The following PDE1A variants were observed in gnomAD, a reference collection of about 807,000 sequenced individuals.
The protein encoded by PDE1A is phosphodiesterase 1A.
A neutral mutation model predicts 61.7 loss-of-function variants in PDE1A; 35 were observed. The ratio of observed to expected loss-of-function variants is 0.57; its 90% CI spans 0.43 to 0.75. The LOEUF (loss-of-function observed/expected upper bound fraction) is 0.75. Among genes scored for constraint, PDE1A ranks in the 30% least tolerant of loss-of-function variants. The pLI is 0.00. For missense variants in PDE1A, 597 were observed against 630.6 expected, an observed-to-expected ratio of 0.95 and a Z score of 0.57; for synonymous variants, 232 against 213.2, an observed-to-expected ratio of 1.09 and a Z score of -0.77.
intron 2 of PDE1A, among the ~76,000 whole-genome samples, chr2:182,486,312 AG>A (rs1210238370): frequency 6.6e-6 from 1 of 152,098 alleles, no homozygotes; most frequent in Non-Finnish European, 1.5e-5. Context: ...AGAATATAAA[AG>A]TAGATGGACA....
intron 1 of PDE1A, among the ~76,000 whole-genome samples, chr2:182,339,347 C>T (rs954336055): frequency 2.0e-5 from 3 of 152,080 alleles, no homozygotes; most frequent in Non-Finnish European, 4.4e-5. Flanking sequence ...ACTAGATGCT[C>T]TTATCCATGA....
chr2:182,701,079 G>A, the PDE1A span, among the ~76,000 whole-genome samples: 103,899 of 151,774 alleles, frequency 0.68, 36,191 homozygotes, highest in African/African-American at 0.8. Context: ...CTGTTGCCCA[G>A]GCTGGAGTGC....
intron 2 of PDE1A, among the ~76,000 whole-genome samples, chr2:182,482,066 G>T (rs903500487): frequency 1.3e-5 from 2 of 151,864 alleles, no homozygotes; most frequent in Non-Finnish European, 1.5e-5. Context: ...ACAAGAAAGT[G>T]AAATTTACAC....
chr2:182,632,582 C>CCTT, the PDE1A span, among the ~76,000 whole-genome samples: 1,120 of 152,152 alleles, frequency 7.4e-3, 7 homozygotes, highest in South Asian at 0.022. Context: ...AAAAATCATA[C>CCTT]CTTCTTTCCT....
intron 1 of PDE1A, among the ~76,000 whole-genome samples, chr2:182,282,153 G>A (rs1012708267): frequency 6.6e-6 from 1 of 151,866 alleles, no homozygotes; most frequent in African/African-American, 2.4e-5. Flanking sequence ...AGATATTTAA[G>A]CATAATCCTA....
At position 182,399,409 on chromosome 2, in the gene PDE1A, C is replaced by T. The variant is rs140242206; in HGVS notation, c.53+27169G>A. ...TCCTGCCCCCTCTGCTTCTAATCCC[C>T]GGAAACTCCTGATATGCTCTCAATT... On this transcript the variant is annotated intron_variant, in intron 1 of 13. Coordinates refer to ENST00000351439, the Ensembl canonical transcript of PDE1A. Among the ~76,000 whole-genome samples the T allele has an allele frequency of 2.0e-4, 30 of 151,994 alleles. No individual in the cohort carries two copies. In the East Asian group the frequency reaches 4.8e-3, roughly 24 times the overall value.
At chr2:182,456,672 G>A (rs1421241919) in intron 2 of PDE1A, among the ~76,000 whole-genome samples, 2 of 152,136 alleles carry the variant, frequency 1.3e-5, no homozygotes, top group East Asian at 3.9e-4. Flanking sequence ...TCACATTACT[G>A]ATGTGATACA....
chr2:182,403,598 CAAAA>C (rs548993514), intron 1 of PDE1A, among the ~76,000 whole-genome samples: 1 of 77,626 alleles, frequency 1.3e-5, no homozygotes, highest in Admixed American at 1.5e-4. Flanking sequence ...GACTCCGTCT[CAAAA>C]AAAAAAAAAA....
intron 1 of PDE1A, among the ~76,000 whole-genome samples, chr2:182,291,810 C>G (rs2125887406): frequency 6.6e-6 from 1 of 152,220 alleles, no homozygotes; most frequent in African/African-American, 2.4e-5. Context: ...TTGGAGAAAA[C>G]TATTTGCCTA....
At chr2:182,422,014 G>A (rs1339702616) in intron 1 of PDE1A, among the ~76,000 whole-genome samples, 1 of 152,110 alleles carries the variant, frequency 6.6e-6, no homozygotes, top group East Asian at 1.9e-4. Flanking sequence ...CGAAAATAAA[G>A]CTTCTGAGAA....
chr2:182,186,195 C>A (rs1685190190), intron 12 of PDE1A, 116 bp from the exon 13 acceptor site: 3 of 1,057,266 alleles, frequency 2.8e-6, no homozygotes, highest in African/African-American at 1.6e-5. Context: ...TGCTCAGTCC[C>A]AGTTCTGAGC....
chr2:182,524,424 G>A (rs1192381413), upstream of PDE1A, among the ~76,000 whole-genome samples: 2 of 152,046 alleles, frequency 1.3e-5, no homozygotes, highest in African/African-American at 4.8e-5. Context: ...TAAAGAATGA[G>A]AACTATTCTA....
intron 1 of PDE1A, among the ~76,000 whole-genome samples, chr2:182,295,057 CTTTTTTTTTTT>C (rs11420821): frequency 1.0e-4 from 6 of 59,350 alleles, no homozygotes; most frequent in South Asian, 8.5e-4. Flanking sequence ...AAAAGGTAAT[CTTTTTTTTTTT>C]TTTTTTTTTT....
chr2:182,223,695 A>G lies in PDE1A; in HGVS notation c.776+169T>C, dbSNP rs563748739. On this transcript the variant is annotated intron_variant, in intron 7 of 13. Transcript: ENST00000351439. ...ATACTATACACAAGATTCTTAAAAA[A>G]TAGTAGTTAATTGATTCAATTGTTA... 1.1e-3 allele frequency among the ~76,000 whole-genome samples: 160 copies of G among 152,154 alleles called. 1 individual carries two copies. The highest frequency in any genetic ancestry group is 3.8e-3 in the African/African-American group (156 of 41,548).
the PDE1A span, among the ~76,000 whole-genome samples, chr2:182,530,228 C>G: frequency 8.6e-6 from 1 of 116,032 alleles, no homozygotes; most frequent in East Asian, 3.4e-4. Flanking sequence ...GAGACAGTAT[C>G]CTTATGAGAA....
intron 1 of PDE1A, among the ~76,000 whole-genome samples, chr2:182,292,784 G>A (rs1356543261): frequency 6.6e-6 from 1 of 151,874 alleles, no homozygotes; most frequent in Non-Finnish European, 1.5e-5. Flanking sequence ...AAAGTTTGAT[G>A]TTTCTCATTC....
the PDE1A span, among the ~76,000 whole-genome samples, chr2:182,656,577 G>T: frequency 7.2e-5 from 11 of 152,152 alleles, no homozygotes; most frequent in African/African-American, 2.4e-4. Flanking sequence ...TTTAAGTTCT[G>T]CAGAAAATGG....
the PDE1A span, among the ~76,000 whole-genome samples, chr2:182,618,808 G>A: frequency 6.6e-6 from 1 of 152,060 alleles, no homozygotes; most frequent in African/African-American, 2.4e-5. Flanking sequence ...TTATCTTTAT[G>A]TTCCTGGCAC....
chr2:182,205,514 T>TC (rs1356622888), intron 8 of PDE1A, among the ~76,000 whole-genome samples: 1 of 152,124 alleles, frequency 6.6e-6, no homozygotes, highest in African/African-American at 2.4e-5. Flanking sequence ...GGAATTTTTT[T>TC]CCCACGTTTA....
Sources: gnomAD v4.1 joint callset for allele counts (sites outside exome capture counted in the v4.1 genomes callset) on GRCh38, gnomAD v4.1.1 for gene constraint, MANE v1.5 for transcripts, NCBI Gene and HGNC (gene_info 2026-07-23, HGNC 2026-07-21) for gene names.